The following MAP3K20 variants were observed in gnomAD, a reference collection of about 807,000 sequenced individuals.
MAP3K20 encodes the protein HCCS-4.
A neutral mutation model predicts 85.7 loss-of-function variants in MAP3K20; 40 were observed. The observed-to-expected ratio is 0.47, with a 90% CI of 0.36 to 0.61. The LOEUF (loss-of-function observed/expected upper bound fraction) is 0.61, where lower values mean the gene tolerates loss of function less well. MAP3K20 is among the 20% of genes least tolerant of loss of function. MAP3K20 has a pLI of 0.00. For missense variants in MAP3K20, 817 were observed against 961.7 expected (o/e 0.85, Z 1.99); for synonymous variants, 325 against 327.7 (o/e 0.99, Z 0.09).
intron 3 of MAP3K20, among the ~76,000 whole-genome samples, chr2:173,181,740 T>G (rs924843920): frequency 1.3e-5 from 2 of 152,116 alleles, no homozygotes; most frequent in African/African-American, 4.8e-5. Flanking sequence ...TGCTTACCAC[T>G]TGAGTGAACT....
intron 16 of MAP3K20, among the ~76,000 whole-genome samples, chr2:173,245,829 G>C (rs1387639120): frequency 6.6e-6 from 1 of 152,182 alleles, no homozygotes; most frequent in Non-Finnish European, 1.5e-5. Context: ...CTACTTGGGA[G>C]GCTGGGGCAG....
rs766179461 is a variant in MAP3K20, at chr2:173,191,099, A to G, written c.504A>G (p.Gly168=). 2.5e-6 allele frequency: 4 copies of G among 1,614,098 alleles called. No individual in the cohort carries two copies. Among genetic ancestry groups the G allele is most frequent in the Non-Finnish European group, 3.4e-6 (4 of 1,179,960 alleles). Residue 168 remains glycine (G), a synonymous_variant, in exon 7 of 20, where the codon GGA becomes GGG. Transcript: ENST00000375213. Reference sequence around the variant, plus strand: ...ATACAACACACATGTCCTTGGTTGGAACTTTCCCATGGATGGCTCCAGAAG... The same window carrying G: ...ATACAACACACATGTCCTTGGTTGGGACTTTCCCATGGATGGCTCCAGAAG... The part of the protein sequence containing the change: ...HNHTTHMSLV[G]TFPWMAPEVI...
intron 8 of MAP3K20, among the ~76,000 whole-genome samples, chr2:173,203,266 T>C (rs1296382235): frequency 6.6e-6 from 1 of 152,164 alleles, no homozygotes; most frequent in Non-Finnish European, 1.5e-5. Flanking sequence ...TTAAAGTATA[T>C]GGGTTTGACC....
chr2:173,221,987 C>T (rs1684265370), intron 11 of MAP3K20: 5 of 985,402 alleles, frequency 5.1e-6, no homozygotes, highest in Non-Finnish European at 6.0e-6. Context: ...TAGCAATACA[C>T]TGTAATATCA....
chr2:173,224,103 C>A, intron 11 of MAP3K20: 1 of 849,832 alleles, frequency 1.2e-6, no homozygotes, highest in Non-Finnish European at 1.4e-6. Context: ...AAAGCAAATG[C>A]ATCATATGTT....
intron 16 of MAP3K20, among the ~76,000 whole-genome samples, chr2:173,246,313 G>A (rs949780221): frequency 2.0e-5 from 3 of 152,098 alleles, no homozygotes; most frequent in African/African-American, 7.2e-5. Flanking sequence ...GCATTTGGGG[G>A]TCAGTTAATT....
intron 2 of MAP3K20, among the ~76,000 whole-genome samples, chr2:173,104,881 G>C (rs1036582862): frequency 6.6e-6 from 1 of 152,076 alleles, no homozygotes; most frequent in Admixed American, 6.6e-5. Context: ...CCAAGCATGG[G>C]GGATAAAACA....
Position 173,266,843 on chromosome 2 carries a change from T to C in MAP3K20, c.*93T>C, listed in dbSNP as rs1350565955. Reference sequence around the variant, plus strand: ...GATAATATGATCCCTTCAGATTGAATTAACGAAAAGACAACACTTCCAGTT... The same window carrying C: ...GATAATATGATCCCTTCAGATTGAACTAACGAAAAGACAACACTTCCAGTT... On this transcript the variant is annotated 3_prime_UTR_variant, in exon 20 of 20. Coordinates refer to ENST00000375213, the MANE Select transcript of MAP3K20 (RefSeq NM_016653.3). The C allele has an allele frequency of 1.6e-6, 2 of 1,219,362 alleles. No individual in the cohort carries two copies. The highest frequency in any genetic ancestry group is 2.2e-6 in the Non-Finnish European group (2 of 925,814). 75.5% of individuals were successfully genotyped at this position (1,219,362 alleles called of 1,614,324 possible).
At chr2:173,221,504 G>A in intron 11 of MAP3K20, 1 of 1,596,572 alleles carries the variant, frequency 6.3e-7, no homozygotes. Context: ...TGAGGAGGAG[G>A]ATAATGACAT....
chr2:173,087,268 C>T (rs2106142930), intron 1 of MAP3K20, among the ~76,000 whole-genome samples: 1 of 152,234 alleles, frequency 6.6e-6, no homozygotes, highest in South Asian at 2.1e-4. Flanking sequence ...GAGAATTCAG[C>T]TGTGCTCAGG....
intron 2 of MAP3K20, among the ~76,000 whole-genome samples, chr2:173,162,343 T>C (rs575695188): frequency 6.6e-6 from 1 of 152,182 alleles, no homozygotes; most frequent in South Asian, 2.1e-4. Flanking sequence ...GATGAACCAC[T>C]CTTCTTTCTC....
At position 173,266,119 on chromosome 2, in the gene MAP3K20, C is replaced by T; in HGVS notation, c.1772C>T (p.Ser591Phe). The change falls in exon 20 of 20, where the codon TCC becomes TTC. Residue 591 changes from serine (S) to phenylalanine (F), a missense_variant. By Grantham distance (155) the Ser-to-Phe change is radical. This residue lies in a region of MAP3K20 where 454 missense variants were observed against 476.9 expected (regional missense o/e 0.95). Transcript: ENST00000375213. ...GCATCCAACACTTCTTTACAGCGTT[C>T]CCAGAGCAATCCTATTCTGGGGTCA... ...QIASNTSLQR[S>F]QSNPILGSPF... 3 of 1,611,840 alleles carry T rather than the reference C, an allele frequency of 1.9e-6. No individual in the cohort carries two copies. Among genetic ancestry groups the T allele is most frequent in the Non-Finnish European group, 2.5e-6 (3 of 1,178,998 alleles).
At chr2:173,076,052 C>G (rs1428110901) in intron 1 of MAP3K20, 50 bp downstream of exon 1, 2 of 978,400 alleles carry the variant, frequency 2.0e-6, no homozygotes, top group African/African-American at 3.5e-5. Context: ...GGGGGCGAGG[C>G]CCGCCGCGCT....
At chr2:173,162,743 G>C (rs1052597192) in intron 2 of MAP3K20, among the ~76,000 whole-genome samples, 2 of 151,558 alleles carry the variant, frequency 1.3e-5, no homozygotes, top group Non-Finnish European at 2.9e-5. Context: ...CCGTGGAGTA[G>C]TTATATGCTT....
At chr2:173,156,694 TCGCTC>T (rs1327538489) in intron 2 of MAP3K20, among the ~76,000 whole-genome samples, 2 of 152,318 alleles carry the variant, frequency 1.3e-5, no homozygotes, top group Non-Finnish European at 2.9e-5. Flanking sequence ...GCGGGAATGC[TCGCTC>T]GCCAGCTGCT....
chr2:173,157,134 A>G (rs1689501907), intron 2 of MAP3K20, among the ~76,000 whole-genome samples: 1 of 152,166 alleles, frequency 6.6e-6, no homozygotes, highest in Non-Finnish European at 1.5e-5. Context: ...GTTCATTCAA[A>G]TGGAGGCGAT....
At chr2:173,191,301 A>G in intron 7 of MAP3K20, 124 bp downstream of exon 7, 1 of 1,321,248 alleles carries the variant, frequency 7.6e-7, no homozygotes, top group Middle Eastern at 2.4e-4. Flanking sequence ...TGGAATGCCT[A>G]AAGCAGCACC....
In MAP3K20 at chr2:173,258,832, G is replaced by A. The variant is rs368644717; in HGVS notation, c.1476+17G>A. On this transcript the variant is annotated intron_variant, in intron 17 of 19. Coordinates refer to ENST00000375213, the MANE Select transcript of MAP3K20 (RefSeq NM_016653.3). ...ATGACAAAGGTAGGGTTCTATTTAC[G>A]GCTTAAAAGCTCTTTTGAATTCACA... 5.9e-5 allele frequency: 87 copies of A among 1,476,238 alleles called. No homozygotes were observed. Among genetic ancestry groups the A allele is most frequent in the East Asian group, 4.1e-4 (18 of 44,168 alleles). The allele number at this position is 1,476,238 out of a possible 1,614,324, so 91.4% of individuals were successfully genotyped here.
Position 173,267,668 on chromosome 2 carries a change from A to T in MAP3K20, c.*918A>T, listed in dbSNP as rs2106362519. On this transcript the variant is annotated 3_prime_UTR_variant, in exon 20 of 20. Coordinates refer to ENST00000375213, the MANE Select transcript of MAP3K20 (RefSeq NM_016653.3). ...AAATTTCACCAAAGGAGCAAAGAGGATAAAACAACACTCCATAAAGGCCTC... is the reference window on the plus strand; with the variant it reads ...AAATTTCACCAAAGGAGCAAAGAGGTTAAAACAACACTCCATAAAGGCCTC... 6.6e-6 allele frequency: 1 copy of T among 152,336 alleles called. No homozygotes were observed. The highest frequency in any genetic ancestry group is 2.4e-5 in the African/African-American group (1 of 41,564). 9.4% of individuals were successfully genotyped at this position (152,336 alleles called of 1,614,324 possible). A position where few individuals can be genotyped will look rare whatever the true frequency, so the allele number is the denominator to read the frequency against.
Sources: gnomAD v4.1 joint callset for allele counts (sites outside exome capture counted in the v4.1 genomes callset) on GRCh38, gnomAD v4.1.1 for gene constraint, gnomAD v4.1.1 regional missense constraint, MANE v1.5 for transcripts, NCBI Gene and HGNC (gene_info 2026-07-23, HGNC 2026-07-21) for gene names.